CCDC171: variants seen among roughly 807,000 people sequenced by gnomAD.
The protein encoded by CCDC171 is coiled-coil domain containing 171.
CCDC171 carries 177 observed loss-of-function variants against 168.2 expected under a neutral mutation model. That is an observed-to-expected ratio of 1.05 (90% CI 0.93 to 1.19). CCDC171 has a LOEUF of 1.19. Among genes scored for constraint, CCDC171 ranks in the 50% most tolerant of loss-of-function variants. The probability of loss-of-function intolerance (pLI) is 0.00; values close to 1 mark genes in which losing one functional copy is unlikely to be tolerated. For synonymous variants in CCDC171, 687 were observed against 540.8 expected (o/e 1.27, Z -3.75); for missense variants, 1,991 against 1,539.0 (o/e 1.29, Z -4.91).
intron 23 of CCDC171, among the ~76,000 whole-genome samples, chr9:15,866,545 A>G (rs2061795708): frequency 6.6e-6 from 1 of 151,964 alleles, no homozygotes. Context: ...ATTTTTATTA[A>G]GTAGGGAGAA....
intron 10 of CCDC171, among the ~76,000 whole-genome samples, chr9:15,691,733 A>C (rs1382792294): frequency 6.6e-6 from 1 of 152,002 alleles, no homozygotes; most frequent in Non-Finnish European, 1.5e-5. Context: ...GCCGGAGTGC[A>C]GTGGCACAAT....
chr9:15,836,964 T>C (rs1050901776), intron 21 of CCDC171, among the ~76,000 whole-genome samples: 1 of 152,232 alleles, frequency 6.6e-6, no homozygotes, highest in Non-Finnish European at 1.5e-5. Context: ...TTAATCTTCT[T>C]TCTAGTTAGC....
At chr9:15,728,708 A>G (rs975121024) in intron 15 of CCDC171, among the ~76,000 whole-genome samples, 3 of 152,134 alleles carry the variant, frequency 2.0e-5, no homozygotes, top group Non-Finnish European at 4.4e-5. Flanking sequence ...AGATCAACAT[A>G]TGCCACCATT....
chr9:15,899,796 G>A (rs1351166768), intron 24 of CCDC171, among the ~76,000 whole-genome samples: 1 of 151,734 alleles, frequency 6.6e-6, no homozygotes, highest in Non-Finnish European at 1.5e-5. Context: ...TTTTTTCTCT[G>A]TCATTTACTC....
At chr9:15,648,167 T>C (rs559329546) in intron 7 of CCDC171, among the ~76,000 whole-genome samples, 1 of 152,216 alleles carries the variant, frequency 6.6e-6, no homozygotes, top group South Asian at 2.1e-4. Flanking sequence ...TCTGAATAGA[T>C]GCAGAAAAGG....
intron 21 of CCDC171, among the ~76,000 whole-genome samples, chr9:15,844,194 A>G (rs1168132978): frequency 6.6e-6 from 1 of 152,070 alleles, no homozygotes; most frequent in Admixed American, 6.6e-5. Flanking sequence ...AGTTGGAAAT[A>G]TTAGAGTCCA....
the CCDC171 span, among the ~76,000 whole-genome samples, chr9:16,074,508 C>T: frequency 1.3e-5 from 2 of 152,052 alleles, no homozygotes; most frequent in African/African-American, 4.8e-5. Flanking sequence ...CATTGGTGAC[C>T]ACCACAGACA....
chr9:16,087,884 C>T, the CCDC171 span, among the ~76,000 whole-genome samples: 16 of 151,870 alleles, frequency 1.1e-4, no homozygotes, highest in Admixed American at 8.5e-4. Context: ...TGGCTGGTCC[C>T]GGTGATGACA....
chr9:15,721,893 TG>T lies in CCDC171; in HGVS notation c.1425+20del. 1.5e-6 allele frequency: 2 copies of T among 1,377,306 alleles called. No homozygotes were observed. The highest frequency in any genetic ancestry group is 2.0e-6 in the Non-Finnish European group (2 of 1,014,582). 85.3% of individuals were successfully genotyped at this position (1,377,306 alleles called of 1,614,324 possible). A position where few individuals can be genotyped will look rare whatever the true frequency, so the allele number is the denominator to read the frequency against. On this transcript the variant is annotated intron_variant, in intron 12 of 25. Transcript: ENST00000380701. ...CTAATGAGGTAACACTTGCACTGTT[TG>T]GCTCCACACATATAGCCTTCGGCCT...
chr9:15,594,678 A>G (rs941246143), intron 6 of CCDC171, among the ~76,000 whole-genome samples: 19 of 152,268 alleles, frequency 1.2e-4, no homozygotes, highest in African/African-American at 3.6e-4. Flanking sequence ...ACATGAGCAG[A>G]TGGAGATTTG....
At chr9:15,722,882 T>G (rs1312185342) in intron 12 of CCDC171, among the ~76,000 whole-genome samples, 5 of 152,136 alleles carry the variant, frequency 3.3e-5, no homozygotes, top group African/African-American at 1.2e-4. Flanking sequence ...CAAGACAACC[T>G]GTATTGTTAG....
intron 8 of CCDC171, among the ~76,000 whole-genome samples, chr9:15,665,475 C>T (rs1358026737): frequency 6.6e-6 from 1 of 152,168 alleles, no homozygotes; most frequent in Non-Finnish European, 1.5e-5. Context: ...AGGAAGAATA[C>T]TTCCCTTTAG....
rs574753983 is a variant in CCDC171 at position 15,952,221 on chromosome 9, T to G, written c.3754-19388T>G. Among the ~76,000 whole-genome samples, 5 of 152,254 alleles carry G rather than the reference T, an allele frequency of 3.3e-5. No individual in the cohort carries two copies. The South Asian group carries it at 1.0e-3, about 32-fold the overall frequency. ...GATGCTTTACTTCTGAGCTCTCTAT[T>G]CTGTTCTATTGGTCTCTATATCTGT... On this transcript the variant is annotated intron_variant, in intron 25 of 25. Coordinates refer to ENST00000380701, the MANE Select transcript of CCDC171 (RefSeq NM_173550.4).
At chr9:15,770,056 G>A (rs2056932588) in intron 18 of CCDC171, among the ~76,000 whole-genome samples, 1 of 152,140 alleles carries the variant, frequency 6.6e-6, no homozygotes, top group Admixed American at 6.5e-5. Context: ...TAAAAGCCTT[G>A]GAGAATTCTG....
intron 25 of CCDC171, among the ~76,000 whole-genome samples, chr9:15,950,402 C>T (rs138594901): frequency 0.012 from 1,886 of 152,130 alleles, 43 homozygotes; most frequent in African/African-American, 0.043. Context: ...CAAGAGAAGC[C>T]CATCAGACTA....
In CCDC171 at chr9:15,973,109, T is replaced by C. The variant is rs1316759542; in HGVS notation, c.*1273T>C. 1.3e-5 allele frequency: 2 copies of C among 152,214 alleles called. No individual in the cohort carries two copies. Among genetic ancestry groups the C allele is most frequent in the African/African-American group, 2.4e-5 (1 of 41,462 alleles). 9.4% of individuals were successfully genotyped at this position (152,214 alleles called of 1,614,324 possible). A position where few individuals can be genotyped will look rare whatever the true frequency, so the allele number is the denominator to read the frequency against. On this transcript the variant is annotated 3_prime_UTR_variant, in exon 26 of 26. Transcript: ENST00000380701. ...AAAGGTTAAATCCTTGCAGTTTGCATCATGGTAAGTGAAGAACAAAAGAAT... is the reference window on the plus strand; with the variant it reads ...AAAGGTTAAATCCTTGCAGTTTGCACCATGGTAAGTGAAGAACAAAAGAAT...
chr9:15,920,545 A>G, intron 25 of CCDC171, 123 bp downstream of exon 25: 4 of 678,102 alleles, frequency 5.9e-6, no homozygotes, highest in Non-Finnish European at 9.1e-6. Context: ...TGATCAATCA[A>G]GTGACATAAA....
At chr9:15,877,079 T>C (rs945668809) in intron 24 of CCDC171, among the ~76,000 whole-genome samples, 2 of 152,190 alleles carry the variant, frequency 1.3e-5, no homozygotes, top group South Asian at 2.1e-4. Context: ...CTTTGTTCTC[T>C]GAACCTGGAA....
rs2058262205 is a variant in CCDC171 at position 15,791,530 on chromosome 9, G to A, written c.3267+6836G>A. Among the ~76,000 whole-genome samples the A allele has an allele frequency of 2.0e-5, 3 of 152,200 alleles. No homozygotes were observed. In the South Asian group the frequency reaches 6.2e-4, roughly 32 times the overall value. On this transcript the variant is annotated intron_variant, in intron 21 of 25. Transcript: ENST00000380701. ...TGTGGTTTTCTAGATATACAATCAT[G>A]TCATCTGCAAACAGGGACAATTTGA...
Sources: allele counts gnomAD v4.1 joint callset (sites outside exome capture counted in the v4.1 genomes callset), GRCh38; gene constraint gnomAD v4.1.1; transcripts MANE v1.5; gene names NCBI Gene and HGNC (gene_info 2026-07-23, HGNC 2026-07-21).